Variants in PHEX observed in about 807,000 individuals in gnomAD.
PHEX encodes phosphate-regulating neutral endopeptidase PHEX.
In PHEX, 16 loss-of-function variants were observed where a neutral mutation model predicts 68.0. The observed-to-expected ratio is 0.24, with a 90% confidence interval of 0.16 to 0.36. The LOEUF (loss-of-function observed/expected upper bound fraction) is 0.36. Among genes scored for constraint, PHEX ranks in the 10% least tolerant of loss-of-function variants. PHEX has a pLI of 1.00. For missense variants in PHEX, 480 were observed against 575.5 expected (o/e 0.83, Z 1.70); for synonymous variants, 208 against 205.1 (o/e 1.01, Z -0.12).
At position 22,141,332 on chromosome X, in the gene PHEX, T is replaced by G. The variant is rs1242841972; in HGVS notation, c.1404+7708T>G. On this transcript the variant is annotated intron_variant, in intron 12 of 21. Coordinates refer to ENST00000379374, the MANE Select transcript of PHEX (RefSeq NM_000444.6). ...TTTTTTAGAAGCTTAAGTTCAAGGC[T>G]GTGCACAATATTCTAGGTATAGTGT... 4.5e-5 allele frequency among the ~76,000 whole-genome samples: 5 copies of G among 111,801 alleles called. No individual in the cohort carries two copies. In the East Asian group the frequency reaches 1.4e-3, roughly 31 times the overall value.
intron 5 of PHEX, among the ~76,000 whole-genome samples, chrX:22,085,803 T>C (rs1020032272): frequency 9.0e-6 from 1 of 111,698 alleles, no homozygotes; most frequent in Non-Finnish European, 1.9e-5. Flanking sequence ...GTTCTGTAAA[T>C]GTCAGTTAGG....
chrX:22,231,585 G>A (rs746044112), intron 20 of PHEX, among the ~76,000 whole-genome samples: 2 of 111,528 alleles, frequency 1.8e-5, no homozygotes, highest in South Asian at 7.6e-4. Context: ...TTCTCTGATG[G>A]TAGTTTGAAT....
chrX:22,233,936 C>CCATCTTTGTGGATTTATCTACCTTT (rs1343189573), intron 20 of PHEX, among the ~76,000 whole-genome samples: 1 of 112,190 alleles, frequency 8.9e-6, no homozygotes, highest in African/African-American at 3.2e-5. Flanking sequence ...TGGTTTCTCC[C>CCATCTTTGTGGATTTATCTACCTTT]CATCTTTGTG....
At chrX:22,055,326 T>C (rs1569372387) in intron 3 of PHEX, among the ~76,000 whole-genome samples, 1 of 110,449 alleles carries the variant, frequency 9.1e-6, no homozygotes, top group Non-Finnish European at 1.9e-5. Flanking sequence ...TGTATTCTTG[T>C]ATCAGATAAT....
chrX:22,145,540 CAGG>C (rs750803955), intron 12 of PHEX, among the ~76,000 whole-genome samples: 123 of 108,335 alleles, frequency 1.1e-3, no homozygotes, highest in African/African-American at 3.9e-3. Flanking sequence ...TGCTCGAATC[CAGG>C]AGGTGGAGGT....
chrX:22,114,584 A>G lies in PHEX; in HGVS notation c.1300A>G (p.Met434Val). The change falls in exon 11 of 22, where the codon ATG (methionine) becomes GTG (valine). Residue 434 changes from methionine to valine, a missense_variant and splice_region_variant. By Grantham distance (21) the Met-to-Val change is conservative (BLOSUM62 1). Coordinates refer to ENST00000379374, the MANE Select transcript of PHEX (RefSeq NM_000444.6). ...GTACTTCCAGGAAGATAAGAAGGAA[A>G]TGGTAAGTGGTACTCCCCAGCTAGC... is the stretch of plus-strand genomic sequence containing the variant. ...DVYFQEDKKE[M>V]MEELVEGVRW... The G allele has an allele frequency of 8.3e-7, 1 of 1,205,771 alleles. No individual in the cohort carries two copies. The highest frequency in any genetic ancestry group is 1.1e-6 in the Non-Finnish European group (1 of 890,203).
At position 22,209,709 on chromosome X, in the gene PHEX, T is replaced by TTCCCTCTGC. The variant is rs201089683; in HGVS notation, c.1646-3160_1646-3152dup. On this transcript the variant is annotated intron_variant, in intron 15 of 21. Transcript: ENST00000379374. ...CCTCCCTCTCCTCCCTCTCCCTCTC[T>TTCCCTCTGC]TCCCTCTGCTCCCTCTGCTCCCTCT... Among the ~76,000 whole-genome samples the TTCCCTCTGC allele has an allele frequency of 3.6e-3, 253 of 70,294 alleles. 3 individuals carry two copies. The highest frequency in any genetic ancestry group is 0.014 in the Middle Eastern group (2 of 141). The allele number at this position is 70,294 out of a possible 115,157, so 61.0% of individuals were successfully genotyped here.
Position 22,126,561 on chromosome X carries a change from G to A in PHEX, c.1303-6962G>A, listed in dbSNP as rs1931729875. Among the ~76,000 whole-genome samples the A allele has an allele frequency of 2.7e-5, 3 of 111,828 alleles. No individual in the cohort carries two copies. In the South Asian group the frequency reaches 1.1e-3, roughly 42 times the overall value. Reference sequence around the variant, plus strand: ...TACAGAATTCTTATGTCTATGTGATGGGAGGAAGGGTAAGGAGAGGGCAAG... The same window carrying A: ...TACAGAATTCTTATGTCTATGTGATAGGAGGAAGGGTAAGGAGAGGGCAAG... On this transcript the variant is annotated intron_variant, in intron 11 of 21. Coordinates refer to ENST00000379374, the MANE Select transcript of PHEX (RefSeq NM_000444.6).
At chrX:22,103,333 G>A (rs187006787) in intron 9 of PHEX, among the ~76,000 whole-genome samples, 152 of 110,425 alleles carry the variant, frequency 1.4e-3, no homozygotes, top group African/African-American at 4.7e-3. Context: ...AATAATTTTG[G>A]GGGAACAGGT....
Position 22,055,174 on chromosome X carries a change from C to CAAAAAAAAA in PHEX, c.349+7996_349+8004dup, listed in dbSNP as rs111628195. Among the ~76,000 whole-genome samples the CAAAAAAAAA allele has an allele frequency of 2.2e-3, 143 of 66,040 alleles. 17 individuals are homozygous for CAAAAAAAAA. The highest frequency in any genetic ancestry group is 8.0e-3 in the Middle Eastern group (1 of 125). 57.3% of individuals were successfully genotyped at this position (66,040 alleles called of 115,157 possible). A position where few individuals can be genotyped will look rare whatever the true frequency, so the allele number is the denominator to read the frequency against. On this transcript the variant is annotated intron_variant, in intron 3 of 21. Transcript: ENST00000379374. ...CGGGCAACAGAGAGAGACTCCAGCT[C>CAAAAAAAAA]AAAAAAAAAAAAAAAAAAAAAAAAA...
rs758482401 is a variant in PHEX, at chrX:22,093,760, CTCTG to C, written c.733-216_733-213del. Among the ~76,000 whole-genome samples, 8 of 112,221 alleles carry C rather than the reference CTCTG, an allele frequency of 7.1e-5. No individual in the cohort carries two copies. In the South Asian group the frequency reaches 3.0e-3, roughly 42 times the overall value. The stretch of plus-strand genomic sequence containing the variant: ...CTCTTGTTGCTTGATGGCTGGACAT[CTCTG>C]TCTGTCATGGAAACAGTACTCAAGT... On this transcript the variant is annotated intron_variant, in intron 6 of 21. Transcript: ENST00000379374.
intron 3 of PHEX, among the ~76,000 whole-genome samples, chrX:22,056,318 G>C (rs1421223830): frequency 9.0e-6 from 1 of 111,554 alleles, no homozygotes; most frequent in Non-Finnish European, 1.9e-5. Flanking sequence ...TCCAGCAACT[G>C]AACCATGTCA....
At chrX:22,183,008 G>T (rs946092076) in intron 14 of PHEX, among the ~76,000 whole-genome samples, 4 of 111,655 alleles carry the variant, frequency 3.6e-5, no homozygotes, top group Non-Finnish European at 5.6e-5. Context: ...TTTGTACTTG[G>T]TTTTTGTAGA....
intron 12 of PHEX, among the ~76,000 whole-genome samples, chrX:22,152,483 G>GT (rs1932870467): frequency 9.0e-6 from 1 of 111,349 alleles, no homozygotes; most frequent in African/African-American, 3.3e-5. Flanking sequence ...TTCTTCTGTT[G>GT]TTTTTTCTCT....
chrX:22,178,205 G>C (rs1311505185), intron 13 of PHEX, 68 bp from the exon 14 acceptor site: 2 of 699,861 alleles, frequency 2.9e-6, no homozygotes, highest in Non-Finnish European at 2.2e-6. Context: ...TTCCTATGCT[G>C]AAGTATTTTT....
intron 20 of PHEX, among the ~76,000 whole-genome samples, chrX:22,244,184 C>A (rs1016801639): frequency 2.7e-5 from 3 of 111,116 alleles, no homozygotes; most frequent in African/African-American, 9.9e-5. Context: ...AACACAGGAA[C>A]AGAAAACCAA....
intron 16 of PHEX, among the ~76,000 whole-genome samples, chrX:22,218,191 C>A (rs996197513): frequency 1.8e-4 from 20 of 111,176 alleles, no homozygotes; most frequent in African/African-American, 5.9e-4. Context: ...TGTAGTTGAA[C>A]TTCTTTGCAA....
At chrX:22,218,434 T>C (rs1241963315) in intron 16 of PHEX, among the ~76,000 whole-genome samples, 1 of 111,851 alleles carries the variant, frequency 8.9e-6, no homozygotes, top group African/African-American at 3.3e-5. Flanking sequence ...CACATGCTTC[T>C]TCAGAGGTGA....
chrX:22,038,711 T>G (rs757215711), intron 2 of PHEX, among the ~76,000 whole-genome samples, 174 bp downstream of exon 2: 55 of 112,110 alleles, frequency 4.9e-4, no homozygotes, highest in Non-Finnish European at 6.8e-4. Context: ...ACAGTGGAGC[T>G]TAGGTTTCCT....
Sources: gnomAD v4.1 joint callset for allele counts (sites outside exome capture counted in the v4.1 genomes callset) on GRCh38, gnomAD v4.1.1 for gene constraint, MANE v1.5 for transcripts, NCBI Gene and HGNC (gene_info 2026-07-23, HGNC 2026-07-21) for gene names.